The following ARK2C variants were observed in gnomAD, a reference collection of about 807,000 sequenced individuals.
ARK2C encodes arkadia (RNF111) C-terminal like ring finger ubiquitin ligase 2C.
chr18:46,386,687 C>T, the ARK2C span: 1 of 152,226 alleles, frequency 6.6e-6, no homozygotes, highest in Non-Finnish European at 1.5e-5. Flanking sequence ...GATCTTTTCC[C>T]TGTCCCTGGC....
At chr18:46,417,684 G>C in the ARK2C span, among the ~76,000 whole-genome samples, 1 of 152,116 alleles carries the variant, frequency 6.6e-6, no homozygotes, top group Non-Finnish European at 1.5e-5. Flanking sequence ...TCTACTTATT[G>C]GATAGGCCAG....
the ARK2C span, among the ~76,000 whole-genome samples, chr18:46,352,876 T>A: frequency 8.5e-5 from 13 of 152,374 alleles, no homozygotes; most frequent in African/African-American, 3.1e-4. Flanking sequence ...GTTGGTCATC[T>A]CTGCCTCAGT....
chr18:46,421,361 C>G, the ARK2C span, among the ~76,000 whole-genome samples: 1 of 147,874 alleles, frequency 6.8e-6, no homozygotes, highest in East Asian at 2.2e-4. Context: ...CTCACCTGTT[C>G]GTGATCATTC....
chr18:46,354,652 C>A, the ARK2C span, among the ~76,000 whole-genome samples: 1 of 152,220 alleles, frequency 6.6e-6, no homozygotes, highest in African/African-American at 2.4e-5. Flanking sequence ...AAGATGCATG[C>A]GCTTTCACAT....
chr18:46,372,841 A>G, the ARK2C span, among the ~76,000 whole-genome samples: 1 of 152,280 alleles, frequency 6.6e-6, no homozygotes, highest in African/African-American at 2.4e-5. Flanking sequence ...GCTATTATGT[A>G]AGGACTGTGT....
At chr18:46,427,799 C>T in the ARK2C span, among the ~76,000 whole-genome samples, 1 of 152,206 alleles carries the variant, frequency 6.6e-6, no homozygotes, top group African/African-American at 2.4e-5. Flanking sequence ...TGTGAAGAGA[C>T]AGCTCAAGGT....
At chr18:46,456,615 AC>A in the ARK2C span, 2 of 1,613,620 alleles carry the variant, frequency 1.2e-6, no homozygotes, top group Non-Finnish European at 1.7e-6. Flanking sequence ...ACATTGAGAC[AC>A]AACTGGGAGC....
the ARK2C span, among the ~76,000 whole-genome samples, chr18:46,392,795 C>T: frequency 4.6e-5 from 7 of 152,282 alleles, no homozygotes; most frequent in East Asian, 5.8e-4. Context: ...GTGAGGAACA[C>T]GCATGCAGTG....
At chr18:46,334,302 G>C in the ARK2C span, 1 of 1,583,170 alleles carries the variant, frequency 6.3e-7, no homozygotes, top group Non-Finnish European at 8.6e-7. This position sits in a 1 kb window ranked among gnomAD's most constrained non-coding sequence, Gnocchi z 4.4. Context: ...CGGCTATCTC[G>C]TGCTTCCAGT....
chr18:46,451,682 G>T, the ARK2C span, among the ~76,000 whole-genome samples: 2 of 152,176 alleles, frequency 1.3e-5, no homozygotes, highest in South Asian at 4.1e-4. Context: ...GTATGAACTT[G>T]TAGTCCTAGT....
At chr18:46,375,020 G>A in the ARK2C span, among the ~76,000 whole-genome samples, 1 of 152,124 alleles carries the variant, frequency 6.6e-6, no homozygotes, top group Admixed American at 6.5e-5. Context: ...CCTTGTAATA[G>A]GTGGAGGACC....
At chr18:46,453,156 C>A in the ARK2C span, among the ~76,000 whole-genome samples, 3 of 152,180 alleles carry the variant, frequency 2.0e-5, no homozygotes, top group Non-Finnish European at 4.4e-5. Flanking sequence ...TAAATGATTT[C>A]AACCGCAGTT....
the ARK2C span, among the ~76,000 whole-genome samples, chr18:46,415,562 A>T: frequency 6.6e-6 from 1 of 151,886 alleles, no homozygotes; most frequent in African/African-American, 2.4e-5. Context: ...AAATAAAAAT[A>T]AAAAAGTTGC....
the ARK2C span, among the ~76,000 whole-genome samples, chr18:46,370,856 C>T: frequency 2.6e-5 from 4 of 152,264 alleles, no homozygotes; most frequent in Admixed American, 2.6e-4. Context: ...GTGAGGTCAG[C>T]ATGAGCTTTG....
the ARK2C span, chr18:46,337,024 G>T: frequency 9.1e-6 from 9 of 985,208 alleles, no homozygotes; most frequent in Non-Finnish European, 8.4e-6. Context: ...AGCATCTTTG[G>T]ACATCCGCCC....
chr18:46,425,689 A>C, the ARK2C span, among the ~76,000 whole-genome samples: 2 of 146,796 alleles, frequency 1.4e-5, no homozygotes, highest in African/African-American at 2.5e-5. Flanking sequence ...CCCTCATTCC[A>C]CTCCCCTCAT....
chr18:46,442,049 G>C, the ARK2C span, among the ~76,000 whole-genome samples: 1 of 150,680 alleles, frequency 6.6e-6, no homozygotes, highest in Non-Finnish European at 1.5e-5. Flanking sequence ...TGTAGTCCCA[G>C]CTACTCGGGA....
At chr18:46,397,634 G>T in the ARK2C span, among the ~76,000 whole-genome samples, 1 of 139,158 alleles carries the variant, frequency 7.2e-6, no homozygotes, top group Non-Finnish European at 1.5e-5. Context: ...GTGTGAGGGT[G>T]TGTGTGTGTG....
At chr18:46,402,764 G>C in the ARK2C span, among the ~76,000 whole-genome samples, 1 of 152,194 alleles carries the variant, frequency 6.6e-6, no homozygotes. Flanking sequence ...GCCTCCCAAA[G>C]TACTGGGATT....
Sources: allele counts gnomAD v4.1 joint callset (sites outside exome capture counted in the v4.1 genomes callset), GRCh38; gene constraint gnomAD v4.1.1; non-coding constraint Gnocchi (gnomAD v3.1); transcripts MANE v1.5; gene names NCBI Gene and HGNC (gene_info 2026-07-23, HGNC 2026-07-21).